The following SAXO1 variants were observed in gnomAD, a reference collection of about 807,000 sequenced individuals.
SAXO1 encodes the protein 4930500O09Rik.
SAXO1 carries 21 observed loss-of-function variants against 17.5 expected under a neutral mutation model. The observed-to-expected ratio is 1.20, with a 90% CI of 0.85 to 1.72. The LOEUF (loss-of-function observed/expected upper bound fraction) is 1.72. Among genes scored for constraint, SAXO1 ranks in the 40% most tolerant of loss-of-function variants. The pLI is 0.00. For missense variants in SAXO1, 843 were observed against 596.0 expected, an observed-to-expected ratio of 1.41 and a Z score of -4.32; for synonymous variants, 274 against 216.5, an observed-to-expected ratio of 1.27 and a Z score of -2.33.
intron 1 of SAXO1, among the ~76,000 whole-genome samples, chr9:18,997,117 G>T (rs1174777653): frequency 1.3e-5 from 2 of 152,152 alleles, no homozygotes; most frequent in Admixed American, 1.3e-4. Flanking sequence ...CGCCCACAGA[G>T]GATGAGCCAA....
At chr9:19,008,762 C>T (rs943133440) in intron 1 of SAXO1, among the ~76,000 whole-genome samples, 1 of 152,078 alleles carries the variant, frequency 6.6e-6, no homozygotes, top group African/African-American at 2.4e-5. Context: ...AGAAACAGGA[C>T]AAATCAGAAA....
intron 1 of SAXO1, 117 bp downstream of exon 1, chr9:19,032,754 G>T: frequency 9.2e-7 from 1 of 1,089,250 alleles, no homozygotes. Flanking sequence ...AAAAAACGTA[G>T]CAAGTGGACG....
intron 1 of SAXO1, among the ~76,000 whole-genome samples, chr9:18,979,082 T>A (rs1337106209): frequency 6.6e-6 from 1 of 152,218 alleles, no homozygotes; most frequent in South Asian, 2.1e-4. Flanking sequence ...GTTGAATCTA[T>A]TCTAGTACCT....
intron 1 of SAXO1, among the ~76,000 whole-genome samples, chr9:18,961,828 T>G (rs7046376): frequency 2.0e-5 from 3 of 152,138 alleles, no homozygotes; most frequent in Non-Finnish European, 2.9e-5. Flanking sequence ...AGTAGAATGA[T>G]GTACCTATCC....
intron 3 of SAXO1, among the ~76,000 whole-genome samples, chr9:18,929,315 G>A (rs1830932836): frequency 6.6e-6 from 1 of 152,192 alleles, no homozygotes; most frequent in Non-Finnish European, 1.5e-5. Context: ...GAGGGTCCAT[G>A]GTCGTGAGAG....
chr9:19,003,791 C>G (rs1463055934), intron 1 of SAXO1, among the ~76,000 whole-genome samples: 2 of 152,138 alleles, frequency 1.3e-5, no homozygotes, highest in Non-Finnish European at 2.9e-5. Context: ...CATAAAAACC[C>G]TAGAAGAAAA....
At position 19,011,995 on chromosome 9, in the gene SAXO1, G is replaced by A. The variant is rs573577812; in HGVS notation, c.38+20876C>T. 1.4e-4 allele frequency among the ~76,000 whole-genome samples: 21 copies of A among 152,086 alleles called. 1 individual carries two copies. In the East Asian group the frequency reaches 3.3e-3, roughly 24 times the overall value. ...CAAGTAGCTGGGACTACAGGCGCAGGTCACCATGCCCGGCCAATTTTTGTA... is the reference window on the plus strand; with the variant it reads ...CAAGTAGCTGGGACTACAGGCGCAGATCACCATGCCCGGCCAATTTTTGTA... On this transcript the variant is annotated intron_variant, in intron 1 of 3. Coordinates refer to ENST00000380534, the MANE Select transcript of SAXO1 (RefSeq NM_153707.4).
chr9:19,015,485 G>A (rs1834935421), intron 1 of SAXO1, among the ~76,000 whole-genome samples: 2 of 152,018 alleles, frequency 1.3e-5, no homozygotes, highest in Non-Finnish European at 2.9e-5. Context: ...CTGGGATTAT[G>A]TGTGTGTACC....
chr9:19,033,236 G>A, upstream of SAXO1: 1 of 300,286 alleles, frequency 3.3e-6, no homozygotes, highest in Non-Finnish European at 6.1e-6. Context: ...CGGGGTCCGT[G>A]CCCAGGTAGC....
intron 1 of SAXO1, among the ~76,000 whole-genome samples, chr9:18,992,629 G>A (rs538082797): frequency 6.6e-6 from 1 of 152,264 alleles, no homozygotes; most frequent in Admixed American, 6.5e-5. Flanking sequence ...TCCAAACCTG[G>A]CACCTCCTCA....
chr9:18,950,906 T>G lies in SAXO1; in HGVS notation c.70A>C (p.Ile24Leu). 6.2e-7 allele frequency: 1 copy of G among 1,613,150 alleles called. No homozygotes were observed. Among genetic ancestry groups the G allele is most frequent in the Non-Finnish European group, 8.5e-7 (1 of 1,179,708 alleles). The change falls in exon 2 of 4, where the codon ATT becomes CTT. Residue 24 changes from isoleucine (I) to leucine (L), a missense_variant. Transcript: ENST00000380534. The stretch of plus-strand genomic sequence containing the variant: ...CATGGTTTCTCTGTTTTATCATAAA[T>G]CTTGGTAGGGAGATGTGGACAGTGA... Reference protein sequence around the residue: ...RHHCPHLPTKIYDKTEKPCLL... With the variant: ...RHHCPHLPTKLYDKTEKPCLL...
chr9:18,978,603 G>T, intron 1 of SAXO1, among the ~76,000 whole-genome samples: 1 of 152,164 alleles, frequency 6.6e-6, no homozygotes, highest in South Asian at 2.1e-4. Context: ...ACTCGCAGAT[G>T]CCCCACTTTC....
chr9:18,961,572 G>T (rs1188143788), intron 1 of SAXO1, among the ~76,000 whole-genome samples: 1 of 151,916 alleles, frequency 6.6e-6, no homozygotes, highest in African/African-American at 2.4e-5. Context: ...CCACTTATGA[G>T]TGGGAACATG....
chr9:18,952,323 T>A (rs1362165037), intron 1 of SAXO1, among the ~76,000 whole-genome samples: 1 of 152,184 alleles, frequency 6.6e-6, no homozygotes, highest in African/African-American at 2.4e-5. Context: ...TAAAATGCAA[T>A]ACTTTGGGGA....
At chr9:18,961,450 T>C (rs1488064650) in intron 1 of SAXO1, among the ~76,000 whole-genome samples, 1 of 152,222 alleles carries the variant, frequency 6.6e-6, no homozygotes, top group Non-Finnish European at 1.5e-5. Flanking sequence ...CAACCCATCA[T>C]CTACGTTAGG....
rs1444206753 is a variant in SAXO1 at position 18,927,903 on chromosome 9, C to T, written c.*149G>A. On this transcript the variant is annotated 3_prime_UTR_variant, in exon 4 of 4. Coordinates refer to ENST00000380534, the MANE Select transcript of SAXO1 (RefSeq NM_153707.4). Reference sequence around the variant, plus strand: ...GTCATTTTCCCTGAGTCAAGTGATTCTCATTTTATTCAAGTGCTCTGGAAG... The same window carrying T: ...GTCATTTTCCCTGAGTCAAGTGATTTTCATTTTATTCAAGTGCTCTGGAAG... 11 of 810,434 alleles carry T rather than the reference C, an allele frequency of 1.4e-5. No individual in the cohort carries two copies. Among genetic ancestry groups the T allele is most frequent in the Non-Finnish European group, 2.0e-5 (11 of 537,948 alleles). 50.2% of individuals were successfully genotyped at this position (810,434 alleles called of 1,614,324 possible).
At chr9:19,046,851 G>C (rs1029645287) in intron 1 of SAXO1, among the ~76,000 whole-genome samples, 6 of 152,130 alleles carry the variant, frequency 3.9e-5, no homozygotes, top group African/African-American at 1.4e-4. Context: ...GGTTGACAGA[G>C]AAAGATCCTG....
intron 3 of SAXO1, among the ~76,000 whole-genome samples, chr9:18,932,958 G>A (rs928734828): frequency 9.9e-5 from 15 of 152,142 alleles, no homozygotes; most frequent in African/African-American, 3.4e-4. Flanking sequence ...GGATCATGTT[G>A]TCTGAGAATA....
intron 1 of SAXO1, among the ~76,000 whole-genome samples, chr9:18,973,218 T>C (rs6475292): frequency 0.74 from 112,292 of 152,106 alleles, 41,663 homozygotes; most frequent in Non-Finnish European, 0.79. Context: ...CAGGTAAAGG[T>C]TGGTGAAAAC....
Sources: gnomAD v4.1 joint callset for allele counts (sites outside exome capture counted in the v4.1 genomes callset) on GRCh38, gnomAD v4.1.1 for gene constraint, MANE v1.5 for transcripts, NCBI Gene and HGNC (gene_info 2026-07-23, HGNC 2026-07-21) for gene names.